Variants in LRBA observed in about 807,000 individuals in gnomAD.
The protein encoded by LRBA is lipopolysaccharide-responsive and beige-like anchor protein.
Under a neutral mutation model 330.0 loss-of-function variants are expected in LRBA, and 176 were observed. That is an observed-to-expected ratio of 0.53 (90% confidence interval 0.47 to 0.60). The LOEUF (loss-of-function observed/expected upper bound fraction) is 0.60. Among genes scored for constraint, LRBA ranks in the 20% least tolerant of loss-of-function variants. The pLI is 0.00. For synonymous variants in LRBA, 1,230 were observed against 1,193.0 expected (o/e 1.03, Z -0.64); for missense variants, 3,259 against 3,444.8 (o/e 0.95, Z 1.35).
chr4:150,765,342 T>G (rs1735626148), intron 34 of LRBA, among the ~76,000 whole-genome samples: 1 of 152,184 alleles, frequency 6.6e-6, no homozygotes, highest in African/African-American at 2.4e-5. Flanking sequence ...GACACACCAC[T>G]ACACATTTGT....
At chr4:151,008,930 A>C (rs1744442134) in intron 2 of LRBA, among the ~76,000 whole-genome samples, 1 of 131,700 alleles carries the variant, frequency 7.6e-6, no homozygotes, top group Non-Finnish European at 1.6e-5. Context: ...AGATCACGCC[A>C]CTGCACTCCA....
At chr4:150,874,686 G>A (rs1160759005) in intron 17 of LRBA, among the ~76,000 whole-genome samples, 1 of 152,028 alleles carries the variant, frequency 6.6e-6, no homozygotes, top group Admixed American at 6.6e-5. Flanking sequence ...CCACTCTCAG[G>A]CAGAAATCCA....
chr4:150,971,909 T>G (rs1264879034), intron 2 of LRBA, among the ~76,000 whole-genome samples: 1 of 152,168 alleles, frequency 6.6e-6, no homozygotes. Context: ...AGCAAATTAA[T>G]GTAGTATATT....
At chr4:150,558,391 T>C (rs1480125269) in intron 40 of LRBA, among the ~76,000 whole-genome samples, 1 of 152,236 alleles carries the variant, frequency 6.6e-6, no homozygotes, top group Non-Finnish European at 1.5e-5. Flanking sequence ...ATTTACTTCA[T>C]ACTTTAGGTT....
intron 37 of LRBA, among the ~76,000 whole-genome samples, chr4:150,602,726 A>G (rs959714646): frequency 6.6e-6 from 1 of 152,236 alleles, no homozygotes; most frequent in Admixed American, 6.5e-5. Context: ...CTTCCAGGCA[A>G]AAGAGGATAC....
intron 31 of LRBA, 86 bp downstream of exon 31, chr4:150,817,038 C>G: frequency 8.1e-7 from 1 of 1,238,210 alleles, no homozygotes; most frequent in East Asian, 2.3e-5. Flanking sequence ...AATGTGCCCC[C>G]AAATTTTAAG....
intron 48 of LRBA, among the ~76,000 whole-genome samples, chr4:150,346,289 A>C (rs532946544): frequency 6.6e-6 from 1 of 151,670 alleles, no homozygotes; most frequent in African/African-American, 2.4e-5. Context: ...ATTATATATA[A>C]GTCTATATAA....
At position 150,416,617 on chromosome 4, in the gene LRBA, C is replaced by T. The variant is rs111402848; in HGVS notation, c.7042-1027G>A. 8.9e-3 allele frequency among the ~76,000 whole-genome samples: 1,289 copies of T among 144,890 alleles called. 16 individuals carry two copies. The highest frequency in any genetic ancestry group is 0.031 in the African/African-American group (1,226 of 39,616). On this transcript the variant is annotated intron_variant, in intron 46 of 56. Coordinates refer to ENST00000651943, the MANE Select transcript of LRBA (RefSeq NM_001364905.1). ...CCACCTGACCATTAGACTTAAAAAG[C>T]ATTTTAACTGAACAATTAAAAAAAA...
intron 34 of LRBA, among the ~76,000 whole-genome samples, chr4:150,767,534 C>A (rs1236010728): frequency 6.6e-6 from 1 of 151,920 alleles, no homozygotes; most frequent in Non-Finnish European, 1.5e-5. Context: ...CCAAGGCAGG[C>A]AGATCACGAG....
chr4:150,511,271 A>G (rs188182172), intron 40 of LRBA, among the ~76,000 whole-genome samples: 1 of 152,200 alleles, frequency 6.6e-6, no homozygotes, highest in African/African-American at 2.4e-5. Flanking sequence ...CATGTAAGCC[A>G]AACAAAAACT....
At chr4:150,972,480 C>T (rs1053372118) in intron 2 of LRBA, among the ~76,000 whole-genome samples, 8 of 152,150 alleles carry the variant, frequency 5.3e-5, no homozygotes, top group African/African-American at 1.7e-4. Context: ...TAGTGACTAA[C>T]AGATTTTCCA....
intron 34 of LRBA, among the ~76,000 whole-genome samples, chr4:150,796,876 T>G (rs1009611099): frequency 2.0e-5 from 3 of 152,062 alleles, no homozygotes; most frequent in African/African-American, 7.2e-5. Flanking sequence ...GCAATTTCTA[T>G]CCAAGAAAGA....
chr4:150,618,848 G>GTATATA (rs34589903), intron 37 of LRBA, among the ~76,000 whole-genome samples: 162 of 146,264 alleles, frequency 1.1e-3, no homozygotes, highest in African/African-American at 3.2e-3. Context: ...ATGTGTGTAT[G>GTATATA]TATATATATA....
chr4:150,692,168 C>T (rs1784198464), intron 36 of LRBA, among the ~76,000 whole-genome samples: 1 of 152,048 alleles, frequency 6.6e-6, no homozygotes, highest in African/African-American at 2.4e-5. Context: ...AATTTTATTA[C>T]ATGCAAACTA....
intron 2 of LRBA, among the ~76,000 whole-genome samples, chr4:150,944,573 G>GA (rs1240092134): frequency 7.9e-4 from 114 of 144,852 alleles, no homozygotes; most frequent in Non-Finnish European, 1.3e-3. Context: ...GTATAAATGA[G>GA]AAAAAAAAAA....
intron 2 of LRBA, among the ~76,000 whole-genome samples, chr4:151,000,284 ATCAAG>A (rs1360267387): frequency 1.3e-5 from 2 of 152,240 alleles, no homozygotes; most frequent in East Asian, 3.9e-4. Flanking sequence ...ATGTAAGTGC[ATCAAG>A]TCAAGGAGCA....
intron 44 of LRBA, among the ~76,000 whole-genome samples, chr4:150,450,679 A>G (rs184470884): frequency 1.3e-5 from 2 of 152,286 alleles, no homozygotes; most frequent in Admixed American, 6.5e-5. Context: ...ATCTTTTTGG[A>G]AACAAAATTC....
At chr4:150,837,075 G>C (rs536784169) in intron 28 of LRBA, among the ~76,000 whole-genome samples, 1 of 152,170 alleles carries the variant, frequency 6.6e-6, no homozygotes, top group African/African-American at 2.4e-5. Flanking sequence ...TCAGGAGCAG[G>C]TTGCTCAGTT....
chr4:150,722,684 C>T (rs944928281), intron 36 of LRBA, among the ~76,000 whole-genome samples: 8 of 151,906 alleles, frequency 5.3e-5, no homozygotes, highest in Non-Finnish European at 1.2e-4. Flanking sequence ...TTTGTCCACC[C>T]TGCTGCAACA....
Sources: allele counts gnomAD v4.1 joint callset (sites outside exome capture counted in the v4.1 genomes callset), GRCh38; gene constraint gnomAD v4.1.1; transcripts MANE v1.5; gene names NCBI Gene and HGNC (gene_info 2026-07-23, HGNC 2026-07-21).